The following ZSWIM5 variants were observed in gnomAD, a reference collection of about 807,000 sequenced individuals.
ZSWIM5 encodes the protein zinc finger SWIM-type containing 5, also known as zinc finger SWIM domain-containing protein 5.
ZSWIM5 carries 55 observed loss-of-function variants against 119.6 expected under a neutral mutation model. The observed-to-expected ratio is 0.46, with a 90% confidence interval of 0.37 to 0.58. ZSWIM5 has a LOEUF of 0.58. Ranked by LOEUF, ZSWIM5 falls within the 20% of genes least tolerant of loss-of-function variation. The pLI, the probability that ZSWIM5 is intolerant of heterozygous loss-of-function variation, is 0.00. For missense variants in ZSWIM5, 1,193 were observed against 1,512.8 expected (o/e 0.79, Z 3.51); for synonymous variants, 537 against 606.9 (o/e 0.88, Z 1.69).
At chr1:45,184,946 A>G (rs1646047801) in intron 1 of ZSWIM5, among the ~76,000 whole-genome samples, 1 of 152,186 alleles carries the variant, frequency 6.6e-6, no homozygotes, top group Non-Finnish European at 1.5e-5. Flanking sequence ...TGCCAAGTCA[A>G]TCCTAAGCCA....
At chr1:45,150,397 T>C (rs1380628576) in intron 1 of ZSWIM5, among the ~76,000 whole-genome samples, 2 of 152,102 alleles carry the variant, frequency 1.3e-5, no homozygotes, top group Admixed American at 6.6e-5. Context: ...GCTAGTAGTA[T>C]GTAAAATGGT....
intron 11 of ZSWIM5, among the ~76,000 whole-genome samples, chr1:45,031,057 C>T (rs1644949717): frequency 6.6e-6 from 1 of 152,040 alleles, no homozygotes. Flanking sequence ...CCTCGGCTCC[C>T]ACAGTGCTGG....
chr1:45,121,011 G>A (rs1001773609), intron 1 of ZSWIM5, among the ~76,000 whole-genome samples: 9 of 151,534 alleles, frequency 5.9e-5, no homozygotes, highest in African/African-American at 2.2e-4. Flanking sequence ...GTGTGGTGGC[G>A]CGATCTCGGC....
At chr1:45,102,428 C>T (rs1160694727) in intron 1 of ZSWIM5, among the ~76,000 whole-genome samples, 1 of 152,176 alleles carries the variant, frequency 6.6e-6, no homozygotes, top group Non-Finnish European at 1.5e-5. Flanking sequence ...TTTTGGACAG[C>T]TAGTTAAGTG....
At chr1:45,078,508 T>G (rs1197827943) in intron 2 of ZSWIM5, among the ~76,000 whole-genome samples, 4 of 152,226 alleles carry the variant, frequency 2.6e-5, no homozygotes, top group African/African-American at 4.8e-5. Context: ...TTCTCTTCCC[T>G]TAGTTTCTCC....
chr1:45,145,355 A>C (rs527658297), intron 1 of ZSWIM5, among the ~76,000 whole-genome samples: 1 of 152,238 alleles, frequency 6.6e-6, no homozygotes, highest in South Asian at 2.1e-4. Context: ...CAAAAAAAAA[A>C]AAAAACTGGT....
At chr1:45,183,804 G>C (rs1646038400) in intron 1 of ZSWIM5, among the ~76,000 whole-genome samples, 2 of 152,298 alleles carry the variant, frequency 1.3e-5, no homozygotes, top group East Asian at 3.9e-4. Context: ...ATTCACAGCT[G>C]AATTCTACCA....
intron 1 of ZSWIM5, among the ~76,000 whole-genome samples, chr1:45,187,942 A>G (rs1450261246): frequency 2.0e-5 from 3 of 152,234 alleles, no homozygotes; most frequent in African/African-American, 4.8e-5. Flanking sequence ...TAAATAAGAT[A>G]GATAATAACA....
chr1:45,033,754 G>C (rs1030056143), intron 11 of ZSWIM5, among the ~76,000 whole-genome samples: 2 of 152,156 alleles, frequency 1.3e-5, no homozygotes, highest in African/African-American at 4.8e-5. Context: ...AAGGTGAAGT[G>C]ATTTTATCAA....
At chr1:45,166,085 T>G (rs145201361) in intron 1 of ZSWIM5, among the ~76,000 whole-genome samples, 1 of 152,080 alleles carries the variant, frequency 6.6e-6, no homozygotes, top group African/African-American at 2.4e-5. Flanking sequence ...ACTGGCAAAC[T>G]GAATCCAGCA....
chr1:45,164,076 T>C (rs1017586544), intron 1 of ZSWIM5, among the ~76,000 whole-genome samples: 3 of 152,172 alleles, frequency 2.0e-5, no homozygotes, highest in Admixed American at 1.3e-4. Flanking sequence ...GAGAGAAAGG[T>C]TGGGTTACCC....
At chr1:45,203,289 C>T (rs1646168565) in intron 1 of ZSWIM5, among the ~76,000 whole-genome samples, 1 of 152,004 alleles carries the variant, frequency 6.6e-6, no homozygotes, top group South Asian at 2.1e-4. Flanking sequence ...ATTTAATCTA[C>T]CTACTCTTTC....
intron 1 of ZSWIM5, among the ~76,000 whole-genome samples, chr1:45,191,565 A>T (rs1433918050): frequency 6.6e-6 from 1 of 152,158 alleles, no homozygotes; most frequent in Non-Finnish European, 1.5e-5. Flanking sequence ...GGATTGACTG[A>T]AGTCTCCGTT....
intron 1 of ZSWIM5, among the ~76,000 whole-genome samples, chr1:45,167,189 C>CT (rs1381784572): frequency 2.6e-5 from 4 of 151,936 alleles, no homozygotes; most frequent in African/African-American, 9.7e-5. Context: ...ACCATCTGAT[C>CT]TTTGACAAAC....
At chr1:45,204,451 TCAA>T (rs903443262) in intron 1 of ZSWIM5, among the ~76,000 whole-genome samples, 10 of 152,174 alleles carry the variant, frequency 6.6e-5, no homozygotes, top group African/African-American at 2.4e-4. Flanking sequence ...CAAAACTTGC[TCAA>T]GCCACTGTCA....
At chr1:45,085,771 T>G (rs927720071) in intron 2 of ZSWIM5, among the ~76,000 whole-genome samples, 1 of 152,190 alleles carries the variant, frequency 6.6e-6, no homozygotes, top group Non-Finnish European at 1.5e-5. Flanking sequence ...ATTGTCAATA[T>G]CACTATCAGC....
intron 1 of ZSWIM5, among the ~76,000 whole-genome samples, chr1:45,167,523 AG>A (rs1645913541): frequency 6.6e-6 from 1 of 152,226 alleles, no homozygotes; most frequent in Admixed American, 6.6e-5. Context: ...AACTACCATC[AG>A]GGTGAACAGG....
At chr1:45,166,002 G>C (rs1325562467) in intron 1 of ZSWIM5, among the ~76,000 whole-genome samples, 5 of 152,072 alleles carry the variant, frequency 3.3e-5, no homozygotes, top group Admixed American at 2.0e-4. Context: ...AAGCCTGGCA[G>C]AGACACAACA....
chr1:45,078,590 GCCA>G (rs1055250177), intron 2 of ZSWIM5, among the ~76,000 whole-genome samples: 1 of 152,088 alleles, frequency 6.6e-6, no homozygotes, highest in Non-Finnish European at 1.5e-5. Flanking sequence ...TACCCTTGTG[GCCA>G]CCACCACCAG....
Sources: gnomAD v4.1 joint callset for allele counts (sites outside exome capture counted in the v4.1 genomes callset) on GRCh38, gnomAD v4.1.1 for gene constraint, MANE v1.5 for transcripts, NCBI Gene and HGNC (gene_info 2026-07-23, HGNC 2026-07-21) for gene names.